Variants in NXPH1 observed in about 807,000 individuals in gnomAD.
The protein encoded by NXPH1 is neurexophilin 1.
NXPH1 carries 5 observed loss-of-function variants against 23.7 expected under a neutral mutation model. That is an observed-to-expected ratio of 0.21 (90% CI 0.11 to 0.44). The LOEUF is 0.44. Ranked by LOEUF, NXPH1 falls within the 20% of genes least tolerant of loss-of-function variation. The pLI, the probability that NXPH1 is intolerant of heterozygous loss-of-function variation, is 0.99. For missense variants in NXPH1, 324 were observed against 321.6 expected (o/e 1.01, Z -0.06); for synonymous variants, 144 against 122.2 (o/e 1.18, Z -1.18).
intron 2 of NXPH1, among the ~76,000 whole-genome samples, chr7:8,661,086 A>G (rs994695214): frequency 6.6e-6 from 1 of 152,152 alleles, no homozygotes; most frequent in African/African-American, 2.4e-5. Context: ...TGCTTCCTCT[A>G]CAAATCATAT....
chr7:8,631,308 C>G (rs1169214776), intron 2 of NXPH1, among the ~76,000 whole-genome samples: 1 of 151,912 alleles, frequency 6.6e-6, no homozygotes, highest in African/African-American at 2.4e-5. Flanking sequence ...ATGTAAAATC[C>G]CAAGCTGTAA....
intron 2 of NXPH1, among the ~76,000 whole-genome samples, chr7:8,699,530 T>A (rs10256419): frequency 6.6e-6 from 1 of 152,072 alleles, no homozygotes; most frequent in African/African-American, 2.4e-5. Flanking sequence ...TGAACAGATA[T>A]GACAGTTTTG....
At chr7:8,451,257 G>T (rs1023818817) in intron 2 of NXPH1, among the ~76,000 whole-genome samples, 1 of 151,972 alleles carries the variant, frequency 6.6e-6, no homozygotes, top group African/African-American at 2.4e-5. Flanking sequence ...TTCAGAGAGC[G>T]GGTGTCTGAA....
At chr7:8,708,136 C>G (rs1475715782) in intron 2 of NXPH1, among the ~76,000 whole-genome samples, 1 of 152,004 alleles carries the variant, frequency 6.6e-6, no homozygotes, top group Non-Finnish European at 1.5e-5. Flanking sequence ...TGACAAAGAG[C>G]CAAATCATGG....
intron 2 of NXPH1, among the ~76,000 whole-genome samples, chr7:8,734,492 C>T (rs1195778822): frequency 1.3e-5 from 2 of 152,208 alleles, no homozygotes; most frequent in African/African-American, 4.8e-5. Flanking sequence ...AATATTGACT[C>T]TTCCTATCCA....
intron 2 of NXPH1, among the ~76,000 whole-genome samples, chr7:8,460,958 C>T (rs539248774): frequency 6.6e-6 from 1 of 152,230 alleles, no homozygotes; most frequent in South Asian, 2.1e-4. Flanking sequence ...TCCTCAACTT[C>T]ATTTCCCTTA....
At chr7:8,612,843 G>C (rs1819650154) in intron 2 of NXPH1, among the ~76,000 whole-genome samples, 2 of 151,956 alleles carry the variant, frequency 1.3e-5, no homozygotes, top group African/African-American at 4.8e-5. Context: ...GCTGATATTA[G>C]ATAAAAATAT....
intron 2 of NXPH1, among the ~76,000 whole-genome samples, chr7:8,695,795 C>T (rs1363106129): frequency 2.0e-5 from 3 of 152,134 alleles, no homozygotes; most frequent in Admixed American, 6.5e-5. Context: ...GAATTTTAAT[C>T]AATAGGAAGC....
intron 2 of NXPH1, among the ~76,000 whole-genome samples, chr7:8,656,541 C>CT (rs200920294): frequency 3.6e-4 from 43 of 119,370 alleles, no homozygotes; most frequent in Non-Finnish European, 4.8e-4. Flanking sequence ...GGTGGTTTTT[C>CT]TTTTTTTTTT....
At chr7:8,458,599 T>C (rs919823044) in intron 2 of NXPH1, among the ~76,000 whole-genome samples, 11 of 152,206 alleles carry the variant, frequency 7.2e-5, no homozygotes, top group Admixed American at 5.9e-4. Context: ...AGACTTCGAC[T>C]TTATGTCCTT....
intron 2 of NXPH1, among the ~76,000 whole-genome samples, chr7:8,683,763 CAAAT>C (rs1313868421): frequency 6.6e-6 from 1 of 152,048 alleles, no homozygotes; most frequent in East Asian, 1.9e-4. Flanking sequence ...TGTCACTTAA[CAAAT>C]ATATATTGAC....
intron 2 of NXPH1, among the ~76,000 whole-genome samples, chr7:8,676,080 G>A (rs77605129): frequency 0.032 from 4,859 of 152,134 alleles, 341 homozygotes; most frequent in East Asian, 0.24. Context: ...CCACAGATGT[G>A]TTAGCAAAAA....
At chr7:8,478,607 A>T (rs1238135367) in intron 2 of NXPH1, among the ~76,000 whole-genome samples, 1 of 152,040 alleles carries the variant, frequency 6.6e-6, no homozygotes, top group Non-Finnish European at 1.5e-5. Context: ...ATTCAAGAAA[A>T]CTTTCCAGAA....
At chr7:8,544,791 G>A (rs1818175135) in intron 2 of NXPH1, among the ~76,000 whole-genome samples, 1 of 151,478 alleles carries the variant, frequency 6.6e-6, no homozygotes, top group Admixed American at 6.6e-5. Flanking sequence ...TAGACATGAA[G>A]CATTTGTTTT....
chr7:8,735,748 T>C (rs1780240522), intron 2 of NXPH1, among the ~76,000 whole-genome samples: 1 of 152,220 alleles, frequency 6.6e-6, no homozygotes, highest in Non-Finnish European at 1.5e-5. Context: ...AGAATGCTAC[T>C]GTGAATTCAT....
At chr7:8,499,804 C>T (rs1430155123) in intron 2 of NXPH1, among the ~76,000 whole-genome samples, 1 of 152,044 alleles carries the variant, frequency 6.6e-6, no homozygotes, top group Non-Finnish European at 1.5e-5. Flanking sequence ...TTGGCCTCTG[C>T]AGCTGGACGA....
At chr7:8,602,084 T>C (rs1182910984) in intron 2 of NXPH1, among the ~76,000 whole-genome samples, 1 of 152,244 alleles carries the variant, frequency 6.6e-6, no homozygotes. Context: ...AACTTGCTTT[T>C]AAGAGTACAA....
intron 2 of NXPH1, among the ~76,000 whole-genome samples, chr7:8,618,803 G>A (rs755683236): frequency 1.3e-5 from 2 of 152,154 alleles, no homozygotes; most frequent in Non-Finnish European, 2.9e-5. Flanking sequence ...TGGAGAATGT[G>A]TGTTCTTTTT....
chr7:8,566,036 G>T (rs73052503), intron 2 of NXPH1, among the ~76,000 whole-genome samples: 9,525 of 151,810 alleles, frequency 0.063, 407 homozygotes, highest in Middle Eastern at 0.099. Flanking sequence ...AAAGTAGGTG[G>T]GATGATGCCA....
Sources: gnomAD v4.1 joint callset for allele counts (sites outside exome capture counted in the v4.1 genomes callset) on GRCh38, gnomAD v4.1.1 for gene constraint, MANE v1.5 for transcripts, NCBI Gene and HGNC (gene_info 2026-07-23, HGNC 2026-07-21) for gene names.